Variants in GATC observed in about 807,000 individuals in gnomAD.
GATC encodes glutamyl-tRNA(Gln) amidotransferase subunit C, mitochondrial.
A neutral mutation model predicts 14.4 loss-of-function variants in GATC; 11 were observed. That is an observed-to-expected ratio of 0.77 (90% CI 0.48 to 1.27). The LOEUF is 1.27. GATC is among the 50% of genes most tolerant of loss of function. The probability of loss-of-function intolerance (pLI) is 0.00; values close to 1 mark genes in which losing one functional copy is unlikely to be tolerated. For missense variants in GATC, 204 were observed against 183.0 expected (o/e 1.11, Z -0.66); for synonymous variants, 76 against 79.3 (o/e 0.96, Z 0.22).
intron 2 of GATC, among the ~76,000 whole-genome samples, chr12:120,448,477 C>A (rs1159411222): frequency 6.6e-6 from 1 of 151,282 alleles, no homozygotes; most frequent in South Asian, 2.1e-4. Flanking sequence ...TACAGGCACC[C>A]GCCACCACAC....
chr12:120,456,442 C>T (rs1878186258), intron 2 of GATC, among the ~76,000 whole-genome samples: 1 of 152,176 alleles, frequency 6.6e-6, no homozygotes, highest in South Asian at 2.1e-4. Flanking sequence ...TAGCAGCCAA[C>T]ATCCTTAAGT....
chr12:120,449,005 G>A (rs1036762768), intron 2 of GATC, among the ~76,000 whole-genome samples: 3 of 145,482 alleles, frequency 2.1e-5, no homozygotes, highest in African/African-American at 7.6e-5. Context: ...CTCTGTCGCT[G>A]AGGCTGGAGT....
Position 120,462,270 on chromosome 12 carries a change from G to T in GATC, c.*2311G>T. ...TAGTTAAGTATTGAGCACTTACTGT[G>T]TACTCTGTGCCTGGCATGAGGCTAT... On this transcript the variant is annotated 3_prime_UTR_variant, in exon 4 of 4. Transcript: ENST00000551765. 1 of 1,213,838 alleles carries T rather than the reference G, an allele frequency of 8.2e-7. No individual in the cohort carries two copies. The highest frequency in any genetic ancestry group is 1.1e-6 in the Non-Finnish European group (1 of 876,096). The allele number at this position is 1,213,838 out of a possible 1,614,324, so 75.2% of individuals were successfully genotyped here.
chr12:120,448,828 T>C (rs959154620), intron 2 of GATC, among the ~76,000 whole-genome samples: 4 of 150,996 alleles, frequency 2.6e-5, no homozygotes, highest in Admixed American at 2.0e-4. Flanking sequence ...GTATTTTTAA[T>C]AGAGACGGGG....
rs1207689633 is a variant in GATC, at chr12:120,461,091, T to C, written c.*1132T>C. ...GCTAAGAATTTCCCAATAATATTTA[T>C]GCTGCTGCTCATTTTTTTAGTTTTC... On this transcript the variant is annotated 3_prime_UTR_variant, in exon 4 of 4. Transcript: ENST00000551765. 1 of 152,038 alleles carries C rather than the reference T, an allele frequency of 6.6e-6. No individual in the cohort carries two copies. Among genetic ancestry groups the C allele is most frequent in the Non-Finnish European group, 1.5e-5 (1 of 68,010 alleles). The allele number at this position is 152,038 out of a possible 1,614,324, so 9.4% of individuals were successfully genotyped here. A position where few individuals can be genotyped will look rare whatever the true frequency, so the allele number is the denominator to read the frequency against.
intron 2 of GATC, chr12:120,455,102 C>G: frequency 3.1e-6 from 1 of 319,300 alleles, no homozygotes; most frequent in South Asian, 2.3e-5. Context: ...TGGATGGTCT[C>G]GAACTCCTGA....
Position 120,460,586 on chromosome 12 carries a change from G to A in GATC, c.*627G>A, listed in dbSNP as rs550548374. On this transcript the variant is annotated 3_prime_UTR_variant, in exon 4 of 4. Transcript: ENST00000551765. ...TACCTAGTGTTTCTCTTTCTGAAAA[G>A]AGAACTTATCCTAAAATTAGCCCTG... The A allele has an allele frequency of 2.9e-4, 44 of 152,278 alleles. No individual in the cohort carries two copies. The highest frequency in any genetic ancestry group is 8.7e-4 in the African/African-American group (36 of 41,554). 9.4% of individuals were successfully genotyped at this position (152,278 alleles called of 1,614,324 possible). A position where few individuals can be genotyped will look rare whatever the true frequency, so the allele number is the denominator to read the frequency against.
intron 2 of GATC, among the ~76,000 whole-genome samples, chr12:120,455,656 C>T (rs1331957836): frequency 6.6e-6 from 1 of 151,976 alleles, no homozygotes; most frequent in African/African-American, 2.4e-5. Context: ...AAGAACTAGT[C>T]CTTTCCTAAA....
intron 2 of GATC, among the ~76,000 whole-genome samples, chr12:120,449,049 G>A (rs1023596915): frequency 6.7e-6 from 1 of 149,312 alleles, no homozygotes; most frequent in Non-Finnish European, 1.5e-5. Flanking sequence ...TGCAAGTTCC[G>A]CCTCCTGGGT....
intron 2 of GATC, among the ~76,000 whole-genome samples, chr12:120,451,174 C>T (rs1477709640): frequency 3.2e-5 from 4 of 125,896 alleles, no homozygotes; most frequent in East Asian, 2.5e-4. Context: ...AGACTGGGCG[C>T]GGTGGCTCAC....
At chr12:120,459,663 T>G (rs1878278105) in intron 3 of GATC, among the ~76,000 whole-genome samples, 1 of 152,186 alleles carries the variant, frequency 6.6e-6, no homozygotes, top group Non-Finnish European at 1.5e-5. Context: ...GAGACCATCC[T>G]GGCTAACACG....
At position 120,459,948 on chromosome 12, in the gene GATC, CCA is replaced by C. The variant is rs762142262; in HGVS notation, c.405_406del (p.His135GlnfsTer13). 12 of 1,612,328 alleles carry C rather than the reference CCA, an allele frequency of 7.4e-6. No homozygotes were observed. Among genetic ancestry groups the C allele is most frequent in the East Asian group, 2.2e-5 (1 of 44,864 alleles). Reference sequence around the variant, plus strand: ...AAAGCTGGATGAACAAGAGCCATTCCCACACAGCTGAGTAGCTCATTCTGGAA... The same window carrying C: ...AAAGCTGGATGAACAAGAGCCATTCCCACAGCTGAGTAGCTCATTCTGGAA... ...LPKLDEQEPF[P>X]HS is the part of the protein sequence containing the mutation. On this transcript the variant is annotated frameshift_variant, in exon 4 of 4. Coordinates refer to ENST00000551765, the MANE Select transcript of GATC (RefSeq NM_176818.3). LOFTEE classifies it high-confidence loss of function.
At position 120,446,485 on chromosome 12, in the gene GATC, G is replaced by T; in HGVS notation, c.5G>T (p.Trp2Leu). Reference sequence around the variant, plus strand: ...CGGGGGCCAAGGAAGGAAGAAATGTGGTCGCGGTTGGTGTGGCTGGGCCTT... The same window carrying T: ...CGGGGGCCAAGGAAGGAAGAAATGTTGTCGCGGTTGGTGTGGCTGGGCCTT... M[W>L]SRLVWLGLRA... Residue 2 changes from tryptophan to leucine, a missense_variant, in exon 1 of 4, where the codon TGG becomes TTG. Physicochemically the swap from Trp to Leu is moderately conservative, Grantham distance 61. Transcript: ENST00000551765. The T allele has an allele frequency of 6.2e-7, 1 of 1,607,316 alleles. No individual in the cohort carries two copies. The highest frequency in any genetic ancestry group is 8.5e-7 in the Non-Finnish European group (1 of 1,175,898).
chr12:120,448,642 CTTTTTTTTTT>C (rs71451885), intron 2 of GATC, among the ~76,000 whole-genome samples: 2 of 87,494 alleles, frequency 2.3e-5, no homozygotes, highest in African/African-American at 1.0e-4. Flanking sequence ...AAGTCCATTC[CTTTTTTTTTT>C]TTTTTTTTTT....
At chr12:120,451,768 C>T (rs1472312402) in intron 2 of GATC, among the ~76,000 whole-genome samples, 10 of 151,486 alleles carry the variant, frequency 6.6e-5, no homozygotes, top group Non-Finnish European at 1.2e-4. Context: ...AAACAAAAAA[C>T]GCCTTGACTG....
rs1362126111 is a variant in GATC, at chr12:120,460,343, G to C, written c.*384G>C. The C allele has an allele frequency of 2.5e-5, 4 of 161,046 alleles. No homozygotes were observed. The East Asian group carries it at 5.5e-4, about 22-fold the overall frequency. The allele number at this position is 161,046 out of a possible 1,614,324, so 10.0% of individuals were successfully genotyped here. On this transcript the variant is annotated 3_prime_UTR_variant, in exon 4 of 4. Transcript: ENST00000551765. ...ATCTTGATCACTATGTGACAACCTT[G>C]GCTGTCATTTTTAGTTGCCATTTGC... is the stretch of plus-strand genomic sequence containing the variant.
chr12:120,455,036 T>C (rs2137042714), intron 2 of GATC: 1 of 442,084 alleles, frequency 2.3e-6, no homozygotes, highest in Non-Finnish European at 4.5e-6. Flanking sequence ...TACAGGTATG[T>C]ACCACCATGC....
At chr12:120,447,581 T>C (rs1271814475) in intron 2 of GATC, among the ~76,000 whole-genome samples, 2 of 152,146 alleles carry the variant, frequency 1.3e-5, no homozygotes, top group Non-Finnish European at 2.9e-5. Context: ...TCTCAGCTTA[T>C]CTTCTCAGAA....
intron 3 of GATC, 129 bp from the exon 4 acceptor site, chr12:120,459,778 C>T (rs1286233993): frequency 3.6e-6 from 2 of 558,018 alleles, no homozygotes; most frequent in Admixed American, 5.6e-5. Flanking sequence ...ATGGCGTGAA[C>T]CCCAGGGGGC....
Sources: gnomAD v4.1 joint callset for allele counts (sites outside exome capture counted in the v4.1 genomes callset) on GRCh38, gnomAD v4.1.1 for gene constraint, MANE v1.5 for transcripts, NCBI Gene and HGNC (gene_info 2026-07-23, HGNC 2026-07-21) for gene names.